Variants in MIER3 observed in about 807,000 individuals in gnomAD.
MIER3 encodes MIER family member 3, also known as mesoderm induction early response protein 3.
MIER3 carries 9 observed loss-of-function variants against 63.2 expected under a neutral mutation model. The ratio of observed to expected loss-of-function variants is 0.14; its 90% CI spans 0.09 to 0.25. The LOEUF is 0.25. MIER3 is among the 10% of genes least tolerant of loss of function. MIER3 has a pLI of 1.00. For synonymous variants in MIER3, 205 were observed against 224.9 expected (o/e 0.91, Z 0.79); for missense variants, 512 against 666.2 (o/e 0.77, Z 2.55).
chr5:56,937,479 A>G, intron 5 of MIER3, 99 bp downstream of exon 5: 1 of 1,195,710 alleles, frequency 8.4e-7, no homozygotes, highest in South Asian at 2.0e-5. Flanking sequence ...ACCACATAAA[A>G]TATTAGAATA....
Position 56,923,136 on chromosome 5 carries a change from A to G in MIER3, c.1645T>C (p.Ser549Pro), listed in dbSNP as rs764081729. Residue 549 changes from serine to proline, a missense_variant, in exon 13 of 13, where the codon TCT (serine) becomes CCT (proline). Coordinates refer to ENST00000381199, the MANE Select transcript of MIER3 (RefSeq NM_001297599.2). ...HALHQHAALHSE is the reference protein window; with the variant it reads ...HALHQHAALHPE ...CGGGATCCTCACTCAGGTCACTCAG[A>G]GTGTAGGGCCGCGTGCTGATGCAGA... 8 of 1,612,654 alleles carry G rather than the reference A, an allele frequency of 5.0e-6. No individual in the cohort carries two copies. The South Asian group carries it at 8.8e-5, about 18-fold the overall frequency.
intron 5 of MIER3, 83 bp downstream of exon 5, chr5:56,937,495 A>C (rs1311943401): frequency 1.6e-6 from 2 of 1,288,392 alleles, no homozygotes; most frequent in Admixed American, 5.2e-5. Context: ...GAATATTCTG[A>C]CACAAATTAC....
At chr5:56,936,084 G>C (rs1750434983) in intron 5 of MIER3, among the ~76,000 whole-genome samples, 1 of 152,068 alleles carries the variant, frequency 6.6e-6, no homozygotes, top group Non-Finnish European at 1.5e-5. Context: ...GGGCGTGGTG[G>C]GGGGTGCCTG....
intron 5 of MIER3, among the ~76,000 whole-genome samples, chr5:56,937,318 C>T (rs985129818): frequency 6.6e-6 from 1 of 152,142 alleles, no homozygotes; most frequent in African/African-American, 2.4e-5. Flanking sequence ...CTCAAGTGAT[C>T]TGTCTGCCTC....
At chr5:56,945,091 CTGAATTTT>C (rs1295996613) in intron 3 of MIER3, among the ~76,000 whole-genome samples, 2 of 152,098 alleles carry the variant, frequency 1.3e-5, no homozygotes, top group South Asian at 2.1e-4. Context: ...TTGTGCTTTT[CTGAATTTT>C]TGAATTTTTC....
At chr5:56,948,445 C>A (rs1377897447) in intron 2 of MIER3, among the ~76,000 whole-genome samples, 1 of 152,112 alleles carries the variant, frequency 6.6e-6, no homozygotes, top group South Asian at 2.1e-4. Flanking sequence ...GGGGGGATCA[C>A]CTGAGGTCAG....
At chr5:56,938,074 C>T (rs1750514423) in intron 4 of MIER3, among the ~76,000 whole-genome samples, 1 of 152,134 alleles carries the variant, frequency 6.6e-6, no homozygotes, top group African/African-American at 2.4e-5. Flanking sequence ...CCTCCAACCT[C>T]CACTCTTCCA....
intron 3 of MIER3, chr5:56,941,011 G>T: frequency 1.0e-6 from 1 of 985,374 alleles, no homozygotes; most frequent in Non-Finnish European, 1.2e-6. Context: ...TTTATGCACT[G>T]ATGGTCCACC....
intron 5 of MIER3, among the ~76,000 whole-genome samples, chr5:56,935,954 G>A (rs1243339175): frequency 6.6e-6 from 1 of 152,144 alleles, no homozygotes; most frequent in Admixed American, 6.5e-5. Context: ...GGCCGGTGCA[G>A]TGGCTCTCAT....
At chr5:56,935,345 G>A (rs1053547221) in intron 7 of MIER3, 83 bp downstream of exon 7, 6 of 1,035,004 alleles carry the variant, frequency 5.8e-6, no homozygotes, top group Non-Finnish European at 8.4e-6. Flanking sequence ...TGCCAAGGCT[G>A]GTATAAAGCC....
intron 1 of MIER3, among the ~76,000 whole-genome samples, chr5:56,951,259 G>C (rs1403030645): frequency 1.3e-5 from 2 of 151,992 alleles, no homozygotes; most frequent in Admixed American, 1.3e-4. Flanking sequence ...GCTCCTTCCA[G>C]AGTGTTCAGT....
intron 1 of MIER3, among the ~76,000 whole-genome samples, chr5:56,951,792 C>T: frequency 6.6e-6 from 1 of 151,470 alleles, no homozygotes; most frequent in East Asian, 1.9e-4. Flanking sequence ...CACGGCACTG[C>T]CTCGTCCCTG....
At chr5:56,930,206 A>G (rs1043883972) in intron 9 of MIER3, among the ~76,000 whole-genome samples, 6 of 152,202 alleles carry the variant, frequency 3.9e-5, no homozygotes, top group Non-Finnish European at 7.3e-5. Flanking sequence ...CACACAAAAC[A>G]TAAGAACTAT....
At chr5:56,933,454 A>G in intron 7 of MIER3, 56 bp from the exon 8 acceptor site, 1 of 1,496,822 alleles carries the variant, frequency 6.7e-7, no homozygotes, top group African/African-American at 1.4e-5. Flanking sequence ...TCAAAGATGT[A>G]CACAAACAAT....
intron 10 of MIER3, chr5:56,925,338 A>G: frequency 2.2e-6 from 1 of 455,010 alleles, no homozygotes; most frequent in Non-Finnish European, 4.4e-6. Context: ...TACAGGTGAC[A>G]TGACTGTCTA....
chr5:56,949,290 G>A lies in MIER3; in HGVS notation c.34+1338C>T, dbSNP rs563624362. On this transcript the variant is annotated intron_variant, in intron 2 of 12. Transcript: ENST00000381199. ...GGAGAACAGCTTGAACCTCAAAGGC[G>A]GAGGTTACAGTGAGATTGCCCCATT... Among the ~76,000 whole-genome samples the A allele has an allele frequency of 7.7e-4, 117 of 152,176 alleles. 1 individual carries two copies. Among genetic ancestry groups the A allele is most frequent in the African/African-American group, 2.7e-3 (113 of 41,506 alleles).
rs772077193 is a variant in MIER3 at position 56,946,915 on chromosome 5, A to T, written c.180+11T>A. The T allele has an allele frequency of 4.6e-6, 7 of 1,516,940 alleles. No homozygotes were observed. Among genetic ancestry groups the T allele is most frequent in the Non-Finnish European group, 6.2e-6 (7 of 1,131,204 alleles). The allele number at this position is 1,516,940 out of a possible 1,614,324, so 94.0% of individuals were successfully genotyped here. ...CTTTGTTAAGTTTGTATATTAAAGT[A>T]AATCTTATACCTTTTCTAAGTCTTC... On this transcript the variant is annotated intron_variant, in intron 3 of 12. Transcript: ENST00000381199.
intron 9 of MIER3, among the ~76,000 whole-genome samples, chr5:56,930,308 C>T (rs1238910590): frequency 6.6e-6 from 1 of 151,176 alleles, no homozygotes; most frequent in African/African-American, 2.4e-5. Context: ...CTTTAATCTC[C>T]TTTTCATTTC....
In MIER3 at chr5:56,930,751, A is replaced by G. The variant is rs1290636915; in HGVS notation, c.748-6T>C. ...TTGAGAAGTTCATATAATGCCTGGG[A>G]TGGATATTCAATAAAAAGTATTAAA... On this transcript the variant is annotated splice_polypyrimidine_tract_variant and splice_region_variant and intron_variant, in intron 8 of 12. Coordinates refer to ENST00000381199, the MANE Select transcript of MIER3 (RefSeq NM_001297599.2). 6 of 1,609,184 alleles carry G rather than the reference A, an allele frequency of 3.7e-6. No homozygotes were observed. Among genetic ancestry groups the G allele is most frequent in the Admixed American group, 1.7e-5 (1 of 59,944 alleles).
Sources: allele counts gnomAD v4.1 joint callset (sites outside exome capture counted in the v4.1 genomes callset), GRCh38; gene constraint gnomAD v4.1.1; transcripts MANE v1.5; gene names NCBI Gene and HGNC (gene_info 2026-07-23, HGNC 2026-07-21).